The following SMIM13 variants were observed in gnomAD, a reference collection of about 807,000 sequenced individuals.
The protein encoded by SMIM13 is small integral membrane protein 13, also known as UPF0766 protein C6orf228.
A neutral mutation model predicts 5.9 loss-of-function variants in SMIM13; 3 were observed. The ratio of observed to expected loss-of-function variants is 0.51; its 90% CI spans 0.23 to 1.31. The LOEUF is 1.31. Among genes scored for constraint, SMIM13 ranks in the 40% most tolerant of loss-of-function variants. The pLI, the probability that SMIM13 is intolerant of heterozygous loss-of-function variation, is 0.18. For missense variants in SMIM13, 85 were observed against 109.9 expected (o/e 0.77, Z 1.01); for synonymous variants, 55 against 46.0 (o/e 1.19, Z -0.79).
In SMIM13 at chr6:11,114,592, C is replaced by CTTTTTTTTTTTTTTT. The variant is rs58585640; in HGVS notation, c.77-19801_77-19787dup. ...ATTGAGATGGTCATGCACTTTTTCT[C>CTTTTTTTTTTTTTTT]TTTTTTTTTTTTTTTTTTTTTTTTG... On this transcript the variant is annotated intron_variant, in intron 1 of 1. Transcript: ENST00000416247. Among the ~76,000 whole-genome samples the CTTTTTTTTTTTTTTT allele has an allele frequency of 3.2e-4, 7 of 21,826 alleles. 1 individual carries two copies. Among genetic ancestry groups the CTTTTTTTTTTTTTTT allele is most frequent in the Admixed American group, 8.7e-4 (1 of 1,152 alleles). The allele number at this position is 21,826 out of a possible 152,430, so 14.3% of individuals were successfully genotyped here.
chr6:11,105,169 T>C (rs1162256773), intron 1 of SMIM13: 5 of 1,614,228 alleles, frequency 3.1e-6, no homozygotes. Context: ...GTGGAAGAGC[T>C]AGTACATAAC....
At chr6:11,133,919 C>T (rs1758485148) in intron 1 of SMIM13, among the ~76,000 whole-genome samples, 1 of 151,640 alleles carries the variant, frequency 6.6e-6, no homozygotes, top group Admixed American at 6.6e-5. Flanking sequence ...TTTCCAGAAA[C>T]TTACGAATAG....
At chr6:11,105,639 G>A (rs2113645093) in intron 1 of SMIM13, 2 of 237,422 alleles carry the variant, frequency 8.4e-6, no homozygotes. Context: ...GGCTGTAGGG[G>A]TAGATAATAG....
chr6:11,104,758 A>T (rs747510057), intron 1 of SMIM13: 10 of 1,614,242 alleles, frequency 6.2e-6, no homozygotes, highest in Non-Finnish European at 8.5e-6. Flanking sequence ...TTATCTAGCA[A>T]AGTTCCCTGA....
At chr6:11,127,465 C>T (rs1758391856) in intron 1 of SMIM13, among the ~76,000 whole-genome samples, 1 of 152,310 alleles carries the variant, frequency 6.6e-6, no homozygotes, top group South Asian at 2.1e-4. Context: ...TGTATTAGTC[C>T]ACTTTCATGC....
At chr6:11,110,035 A>G (rs1758145018) in intron 1 of SMIM13, among the ~76,000 whole-genome samples, 1 of 152,202 alleles carries the variant, frequency 6.6e-6, no homozygotes, top group Admixed American at 6.5e-5. Context: ...AGGTACCCCT[A>G]ACCTTGGTCC....
chr6:11,116,447 T>A (rs1758241588), intron 1 of SMIM13, among the ~76,000 whole-genome samples: 1 of 152,258 alleles, frequency 6.6e-6, no homozygotes, highest in African/African-American at 2.4e-5. Context: ...ACATTTGACA[T>A]AATTTCTTTG....
chr6:11,120,108 T>A (rs945625201), intron 1 of SMIM13, among the ~76,000 whole-genome samples: 9 of 152,188 alleles, frequency 5.9e-5, no homozygotes, highest in Non-Finnish European at 1.0e-4. Context: ...AGTGAGCCAG[T>A]CAACTAGCTA....
chr6:11,096,478 G>C (rs1757925284), intron 1 of SMIM13, among the ~76,000 whole-genome samples: 2 of 152,186 alleles, frequency 1.3e-5, no homozygotes, highest in African/African-American at 4.8e-5. Flanking sequence ...ATGATGAAGT[G>C]ATCAATACTT....
In SMIM13 at chr6:11,134,557, C is replaced by T. The variant is rs1162814266; in HGVS notation, c.231C>T (p.Arg77=). The T allele has an allele frequency of 6.5e-7, 1 of 1,549,582 alleles. No individual in the cohort carries two copies. Among genetic ancestry groups the T allele is most frequent in the Admixed American group, 2.0e-5 (1 of 50,920 alleles). ...SSSPHRIRSA[R]QRRAPADEGH... ...CTCCACACAGAATCAGATCCGCTCG[C>T]CAAAGGAGGGCACCTGCTGATGAAG... The change falls in exon 2 of 2, where the codon CGC becomes CGT. Residue 77 remains arginine, a synonymous_variant. Coordinates refer to ENST00000416247, the MANE Select transcript of SMIM13 (RefSeq NM_001135575.2).
At chr6:11,120,763 G>A (rs544678660) in intron 1 of SMIM13, among the ~76,000 whole-genome samples, 9 of 152,284 alleles carry the variant, frequency 5.9e-5, no homozygotes, top group African/African-American at 2.2e-4. Context: ...ATGAGTCACT[G>A]TGTGCCTTTA....
chr6:11,126,318 G>A (rs1395994705), intron 1 of SMIM13, among the ~76,000 whole-genome samples: 2 of 152,190 alleles, frequency 1.3e-5, no homozygotes, highest in Non-Finnish European at 2.9e-5. Flanking sequence ...AAAGTGCTGG[G>A]ATTATAGGCG....
At chr6:11,104,982 A>G (rs1436433885) in intron 1 of SMIM13, 2 of 1,614,232 alleles carry the variant, frequency 1.2e-6, no homozygotes, top group Non-Finnish European at 1.7e-6. Flanking sequence ...GATGGGTCCG[A>G]AAATGGGAGG....
chr6:11,129,115 A>ATCT (rs1195624308), intron 1 of SMIM13, among the ~76,000 whole-genome samples: 1 of 151,434 alleles, frequency 6.6e-6, no homozygotes, highest in Non-Finnish European at 1.5e-5. Flanking sequence ...CTGTTTGGCC[A>ATCT]TCTTCCTCTG....
intron 1 of SMIM13, among the ~76,000 whole-genome samples, chr6:11,124,008 CTTTTA>C (rs1002683520): frequency 1.3e-5 from 2 of 152,020 alleles, no homozygotes; most frequent in African/African-American, 2.4e-5. Context: ...CATTATAATT[CTTTTA>C]TTTTCTTTTA....
chr6:11,115,023 C>G (rs1298578069), intron 1 of SMIM13, among the ~76,000 whole-genome samples: 4 of 152,112 alleles, frequency 2.6e-5, no homozygotes, highest in African/African-American at 9.7e-5. Context: ...TATACTGTAG[C>G]AATTAATTTA....
chr6:11,130,796 G>A (rs1230062995), intron 1 of SMIM13, among the ~76,000 whole-genome samples: 1 of 152,154 alleles, frequency 6.6e-6, no homozygotes, highest in Non-Finnish European at 1.5e-5. Context: ...TTTCTGTGCT[G>A]AGAGACTTAC....
intron 1 of SMIM13, among the ~76,000 whole-genome samples, chr6:11,102,016 G>A (rs1042274868): frequency 2.0e-5 from 3 of 152,300 alleles, no homozygotes; most frequent in East Asian, 3.9e-4. Flanking sequence ...GGGATTACAG[G>A]TGTGAGCCAC....
At chr6:11,098,892 T>C (rs1030380680) in intron 1 of SMIM13, among the ~76,000 whole-genome samples, 6 of 152,252 alleles carry the variant, frequency 3.9e-5, no homozygotes, top group Admixed American at 3.9e-4. Context: ...TGTTCATAAG[T>C]GTACAGATTA....
Sources: allele counts gnomAD v4.1 joint callset (sites outside exome capture counted in the v4.1 genomes callset), GRCh38; gene constraint gnomAD v4.1.1; transcripts MANE v1.5; gene names NCBI Gene and HGNC (gene_info 2026-07-23, HGNC 2026-07-21).